The following ARID3B variants were observed in gnomAD, a reference collection of about 807,000 sequenced individuals.
ARID3B encodes the protein AT-rich interactive domain-containing protein 3B.
A neutral mutation model predicts 51.9 loss-of-function variants in ARID3B; 10 were observed. The ratio of observed to expected loss-of-function variants is 0.19; its 90% CI spans 0.12 to 0.33. The LOEUF (loss-of-function observed/expected upper bound fraction) is 0.33. Among genes scored for constraint, ARID3B ranks in the 10% least tolerant of loss-of-function variants. ARID3B has a pLI of 1.00. For missense variants in ARID3B, 483 were observed against 716.3 expected, an observed-to-expected ratio of 0.67 and a Z score of 3.72; for synonymous variants, 205 against 279.5, an observed-to-expected ratio of 0.73 and a Z score of 2.66.
chr15:74,560,034 A>AAAAAAAAAAAAAAAAAAAAAAAAAAAAC (rs2061673797), intron 2 of ARID3B, among the ~76,000 whole-genome samples: 1 of 141,332 alleles, frequency 7.1e-6, no homozygotes, highest in Non-Finnish European at 1.5e-5. Context: ...TCTCTACTAA[A>AAAAAAAAAAAAAAAAAAAAAAAAAAAAC]AAAAAAACCA....
At chr15:74,585,859 G>A (rs961278610) in intron 4 of ARID3B, among the ~76,000 whole-genome samples, 1 of 152,226 alleles carries the variant, frequency 6.6e-6, no homozygotes, top group Non-Finnish European at 1.5e-5. Flanking sequence ...TCAGTTGTTA[G>A]AAGAATCAAA....
At chr15:74,562,248 T>A (rs2061681946) in intron 2 of ARID3B, among the ~76,000 whole-genome samples, 1 of 152,044 alleles carries the variant, frequency 6.6e-6, no homozygotes, top group African/African-American at 2.4e-5. Context: ...TTCAAGCAAT[T>A]CTCCTGCCTC....
chr15:74,568,371 A>G (rs2061707023), intron 2 of ARID3B, among the ~76,000 whole-genome samples: 1 of 152,166 alleles, frequency 6.6e-6, no homozygotes, highest in African/African-American at 2.4e-5. Flanking sequence ...TATTCTTTCA[A>G]ACTACAAGTC....
rs573457295 is a variant in ARID3B, at chr15:74,550,237, A to G, written c.552+5749A>G. On this transcript the variant is annotated intron_variant, in intron 2 of 8. Coordinates refer to ENST00000346246, the MANE Select transcript of ARID3B (RefSeq NM_006465.4). ...AGTGATTCTTTCAGCCCAGCACTCC[A>G]TGATATCTTTGATATCTTTGGTGAT... Among the ~76,000 whole-genome samples, 41 of 152,270 alleles carry G rather than the reference A, an allele frequency of 2.7e-4. No individual in the cohort carries two copies. The South Asian group carries it at 4.8e-3, about 18-fold the overall frequency.
At chr15:74,557,124 A>G (rs987510081) in intron 2 of ARID3B, among the ~76,000 whole-genome samples, 2 of 151,964 alleles carry the variant, frequency 1.3e-5, no homozygotes, top group African/African-American at 4.8e-5. Context: ...TATATGTAAT[A>G]AAAGTCTTGG....
At chr15:74,584,842 G>A (rs1171530988) in intron 4 of ARID3B, among the ~76,000 whole-genome samples, 1 of 152,190 alleles carries the variant, frequency 6.6e-6, no homozygotes, top group Non-Finnish European at 1.5e-5. Context: ...ACCAACAAGG[G>A]TTAAAGCCCC....
intron 4 of ARID3B, among the ~76,000 whole-genome samples, chr15:74,577,889 G>C (rs1320202800): frequency 6.6e-6 from 1 of 151,676 alleles, no homozygotes; most frequent in Non-Finnish European, 1.5e-5. Context: ...TCCTTTTTTT[G>C]AGACAGAGTC....
rs1254659765 is a variant in ARID3B at position 74,595,632 on chromosome 15, C to T, written c.1541C>T (p.Pro514Leu). The change falls in exon 9 of 9, where the codon CCT (proline) becomes CTT (leucine). Residue 514 changes from proline to leucine, a missense_variant. Pro to Leu is a moderately conservative substitution (Grantham distance 98). Coordinates refer to ENST00000346246, the MANE Select transcript of ARID3B (RefSeq NM_006465.4). Reference sequence around the variant, plus strand: ...CAAGGTGTGCTGTTTGCCCAGAAGCCTGTGGTCCACCTCATCACGGGGTCT... The same window carrying T: ...CAAGGTGTGCTGTTTGCCCAGAAGCTTGTGGTCCACCTCATCACGGGGTCT... ...TYAGVLFAQK[P>L]VVHLITGSAP... The T allele has an allele frequency of 6.2e-7, 1 of 1,612,906 alleles. No individual in the cohort carries two copies.
Position 74,595,612 on chromosome 15 carries a change from T to G in ARID3B, c.1521T>G (p.Gly507=). Reference sequence around the variant, plus strand: ...CTTGCTTCTCTTCCACCCACCAAGGTGTGCTGTTTGCCCAGAAGCCTGTGG... The same window carrying G: ...CTTGCTTCTCTTCCACCCACCAAGGGGTGCTGTTTGCCCAGAAGCCTGTGG... ...SVDIDGTTYA[G]VLFAQKPVVH... Residue 507 remains glycine (G), a splice_region_variant and synonymous_variant, in exon 9 of 9, where the codon GGT becomes GGG. Transcript: ENST00000346246. 6.2e-7 allele frequency: 1 copy of G among 1,612,314 alleles called. No individual in the cohort carries two copies. Among genetic ancestry groups the G allele is most frequent in the Non-Finnish European group, 8.5e-7 (1 of 1,178,834 alleles).
chr15:74,572,730 CT>C (rs1450181520), intron 2 of ARID3B, 131 bp from the exon 3 acceptor site: 1 of 841,094 alleles, frequency 1.2e-6, no homozygotes, highest in East Asian at 2.6e-5. Context: ...TCTGAGTTGT[CT>C]TTTATAGTAT....
At chr15:74,546,980 C>T (rs1254728767) in intron 2 of ARID3B, among the ~76,000 whole-genome samples, 1 of 151,824 alleles carries the variant, frequency 6.6e-6, no homozygotes, top group Non-Finnish European at 1.5e-5. Context: ...TTTAGAAGGG[C>T]CAAAAATAAT....
intron 4 of ARID3B, among the ~76,000 whole-genome samples, chr15:74,578,023 A>G (rs1357806487): frequency 2.0e-5 from 3 of 151,670 alleles, no homozygotes; most frequent in African/African-American, 7.3e-5. Context: ...ATGCCTGGCT[A>G]ATTTTTATAT....
intron 8 of ARID3B, among the ~76,000 whole-genome samples, chr15:74,594,044 A>G (rs970421291): frequency 7.3e-4 from 111 of 151,492 alleles, no homozygotes; most frequent in African/African-American, 2.6e-3. Context: ...CCTTGTCTCA[A>G]TTAAAAAAAA....
In ARID3B at chr15:74,591,431, A is replaced by G. The variant is rs1251684654; in HGVS notation, c.1162A>G (p.Lys388Glu). Residue 388 changes from lysine to glutamate, a missense_variant, in exon 6 of 9, where the codon AAA becomes GAA. Lys to Glu is a moderately conservative substitution (Grantham distance 56, BLOSUM62 1). This residue lies in a region of ARID3B where 265 missense variants were observed against 354.4 expected (regional missense o/e 0.75). Transcript: ENST00000346246. This position sits in a 1 kb window ranked among gnomAD's most constrained non-coding sequence, Gnocchi z 5.8. ...PRISPATTLR[K>E]GDGAPVTTVP... is the part of the protein sequence containing the mutation. Reference sequence around the variant, plus strand: ...GATATCCCCAGCAACCACTCTCAGGAAAGGTCAGCAGGGCTCCTGGGGGAG... The same window carrying G: ...GATATCCCCAGCAACCACTCTCAGGGAAGGTCAGCAGGGCTCCTGGGGGAG... 6 of 1,602,450 alleles carry G rather than the reference A, an allele frequency of 3.7e-6. No individual in the cohort carries two copies. The highest frequency in any genetic ancestry group is 5.1e-6 in the Non-Finnish European group (6 of 1,170,554).
intron 2 of ARID3B, among the ~76,000 whole-genome samples, chr15:74,560,063 G>A (rs1007973870): frequency 2.7e-3 from 107 of 39,182 alleles, no homozygotes; most frequent in African/African-American, 7.4e-3. Context: ...AAAATTAGCC[G>A]GAGTGGTGGC....
intron 2 of ARID3B, among the ~76,000 whole-genome samples, chr15:74,570,811 T>C (rs1005028356): frequency 6.6e-6 from 1 of 152,244 alleles, no homozygotes; most frequent in Non-Finnish European, 1.5e-5. Flanking sequence ...GATTATTCAT[T>C]GTGCTAGTTG....
At chr15:74,582,554 A>G (rs1193613547) in intron 4 of ARID3B, among the ~76,000 whole-genome samples, 1 of 152,206 alleles carries the variant, frequency 6.6e-6, no homozygotes, top group Non-Finnish European at 1.5e-5. Context: ...AAGCTGGAGT[A>G]GCAAAAAAGG....
chr15:74,549,641 A>G (rs2061629140), intron 2 of ARID3B, among the ~76,000 whole-genome samples: 2 of 152,154 alleles, frequency 1.3e-5, no homozygotes, highest in Middle Eastern at 3.4e-3. Flanking sequence ...AAAACTGTGC[A>G]AAGTATTGCC....
rs547890514 is a variant in ARID3B, at chr15:74,578,984, C to T, written c.697+5780C>T. Among the ~76,000 whole-genome samples the T allele has an allele frequency of 8.5e-5, 13 of 152,282 alleles. No individual in the cohort carries two copies. In the East Asian group the frequency reaches 1.5e-3, roughly 18 times the overall value. ...GAAAATAGCCTGAGTTTGAAAGGCC[C>T]GGAGACACCCAGGTGGGCTGTGAGA... On this transcript the variant is annotated intron_variant, in intron 4 of 8. Coordinates refer to ENST00000346246, the MANE Select transcript of ARID3B (RefSeq NM_006465.4).
Sources: gnomAD v4.1 joint callset for allele counts (sites outside exome capture counted in the v4.1 genomes callset) on GRCh38, gnomAD v4.1.1 for gene constraint, gnomAD v4.1.1 regional missense constraint, Gnocchi (gnomAD v3.1) non-coding constraint, MANE v1.5 for transcripts, NCBI Gene and HGNC (gene_info 2026-07-23, HGNC 2026-07-21) for gene names.